Variants in PEX13 observed in about 807,000 individuals in gnomAD.
PEX13 encodes peroxisomal biogenesis factor 13, also known as peroxisome biogenesis factor 13.
Under a neutral mutation model 34.5 loss-of-function variants are expected in PEX13, and 28 were observed. The ratio of observed to expected loss-of-function variants is 0.81; its 90% CI spans 0.60 to 1.11. The LOEUF (loss-of-function observed/expected upper bound fraction) is 1.11. PEX13 is among the 50% of genes most tolerant of loss of function. The pLI, the probability that PEX13 is intolerant of heterozygous loss-of-function variation, is 0.00. For synonymous variants in PEX13, 177 were observed against 175.1 expected, an observed-to-expected ratio of 1.01 and a Z score of -0.09; for missense variants, 550 against 491.0, an observed-to-expected ratio of 1.12 and a Z score of -1.13.
chr2:61,023,727 G>A (rs1222821441), intron 1 of PEX13, among the ~76,000 whole-genome samples: 2 of 138,416 alleles, frequency 1.4e-5, no homozygotes, highest in Non-Finnish European at 3.1e-5. Flanking sequence ...AGTTTTTCCT[G>A]ACTTCTTTTT....
Position 61,031,991 on chromosome 2 carries a change from G to A in PEX13, c.665G>A (p.Gly222Asp). ...AESEGTVACL[G>D]AEDRAATSAK... ...AGTGAAGGAACTGTGGCATGCCTTG[G>A]TGCTGAGGACCGAGCAGCTACCTCA... is the stretch of plus-strand genomic sequence containing the variant. Residue 222 changes from glycine (G) to aspartate (D), a missense_variant, in exon 2 of 4, where the codon GGT (glycine) becomes GAT (aspartate). Gly to Asp is a moderately conservative substitution (Grantham distance 94). Coordinates refer to ENST00000295030, the MANE Select transcript of PEX13 (RefSeq NM_002618.4). 3 of 1,613,860 alleles carry A rather than the reference G, an allele frequency of 1.9e-6. No homozygotes were observed. Among genetic ancestry groups the A allele is most frequent in the Non-Finnish European group, 1.7e-6 (2 of 1,179,792 alleles).
chr2:61,030,661 T>C (rs982045069), intron 1 of PEX13, among the ~76,000 whole-genome samples: 2 of 152,222 alleles, frequency 1.3e-5, no homozygotes, highest in African/African-American at 4.8e-5. Flanking sequence ...AAAGTGACTT[T>C]AAACAGAAAC....
intron 1 of PEX13, among the ~76,000 whole-genome samples, chr2:61,030,864 G>C (rs750938763): frequency 1.3e-5 from 2 of 152,126 alleles, no homozygotes; most frequent in African/African-American, 4.8e-5. Flanking sequence ...TGGGTGGAGG[G>C]GTGGGCAGGA....
At chr2:61,020,089 G>A (rs928157508) in intron 1 of PEX13, among the ~76,000 whole-genome samples, 1 of 152,106 alleles carries the variant, frequency 6.6e-6, no homozygotes, top group South Asian at 2.1e-4. Flanking sequence ...AGCTGGGTGC[G>A]GTGGCGGGCA....
chr2:61,027,477 A>C (rs778310226), intron 1 of PEX13, among the ~76,000 whole-genome samples: 12 of 152,170 alleles, frequency 7.9e-5, no homozygotes, highest in Non-Finnish European at 1.6e-4. Context: ...TTAGTTCTGT[A>C]ACTTTCTCAA....
In PEX13 at chr2:61,048,502, T is replaced by C; in HGVS notation, c.944T>C (p.Leu315Pro). 1 of 1,614,166 alleles carries C rather than the reference T, an allele frequency of 6.2e-7. No homozygotes were observed. Among genetic ancestry groups the C allele is most frequent in the Non-Finnish European group, 8.5e-7 (1 of 1,180,006 alleles). ...EQQPKVRGWL[L>P]ASLDGQTTGL... is the part of the protein sequence containing the mutation. ...CAACCCAAAGTGCGTGGTTGGCTTC[T>C]GGCTAGCCTTGATGGCCAAACAACA... The change falls in exon 4 of 4, where the codon CTG becomes CCG. Residue 315 changes from leucine (L) to proline (P), a missense_variant. By Grantham distance (98) the Leu-to-Pro change is moderately conservative. Transcript: ENST00000295030.
intron 2 of PEX13, among the ~76,000 whole-genome samples, chr2:61,044,567 G>A (rs2104811911): frequency 6.6e-6 from 1 of 152,216 alleles, no homozygotes; most frequent in Admixed American, 6.5e-5. Flanking sequence ...TGTATTTTTA[G>A]TAGTAATGGA....
intron 1 of PEX13, among the ~76,000 whole-genome samples, chr2:61,023,977 TG>T (rs1680310217): frequency 6.6e-6 from 1 of 151,934 alleles, no homozygotes; most frequent in Non-Finnish European, 1.5e-5. Flanking sequence ...TTGTATTTTT[TG>T]TAGAGATGGG....
chr2:61,029,591 A>C (rs757914900), intron 1 of PEX13, among the ~76,000 whole-genome samples: 16 of 152,242 alleles, frequency 1.1e-4, no homozygotes, highest in Admixed American at 2.0e-4. Context: ...TAATTTGGCA[A>C]TAAAAATTAA....
intron 2 of PEX13, among the ~76,000 whole-genome samples, chr2:61,043,758 C>A (rs748434816): frequency 6.6e-6 from 1 of 152,160 alleles, no homozygotes. Flanking sequence ...GAATTTTTGT[C>A]AGATACAGAA....
Position 61,023,847 on chromosome 2 carries a change from G to T in PEX13, c.92+5996G>T, listed in dbSNP as rs146766301. 7.9e-4 allele frequency among the ~76,000 whole-genome samples: 119 copies of T among 151,452 alleles called. 2 individuals are homozygous for T. The East Asian group carries it at 0.02, about 26-fold the overall frequency. ...AGTTTCACTCTGTCACCAGGCTGGA[G>T]TGTGGTGACGCAATCACACCTCACT... On this transcript the variant is annotated intron_variant, in intron 1 of 3. Transcript: ENST00000295030.
intron 1 of PEX13, among the ~76,000 whole-genome samples, chr2:61,029,832 GAAAA>G (rs879899126): frequency 6.4e-5 from 9 of 141,132 alleles, no homozygotes; most frequent in East Asian, 6.1e-4. Context: ...AAAGTATTCA[GAAAA>G]AAAAAAACTG....
At chr2:61,018,408 C>G (rs1680156859) in intron 1 of PEX13, 49 of 1,293,208 alleles carry the variant, frequency 3.8e-5, no homozygotes, top group Non-Finnish European at 5.0e-5. Flanking sequence ...AGCAGGAGTT[C>G]TAGATCTGAG....
chr2:61,031,391 A>C, intron 1 of PEX13, 28 bp from the exon 2 acceptor site: 4 of 1,525,140 alleles, frequency 2.6e-6, no homozygotes, highest in Non-Finnish European at 3.6e-6. Context: ...ATGCTTAAAT[A>C]ACTGTTTTGA....
chr2:61,026,321 G>T (rs1473367987), intron 1 of PEX13, among the ~76,000 whole-genome samples: 1 of 151,094 alleles, frequency 6.6e-6, no homozygotes, highest in Admixed American at 6.6e-5. Flanking sequence ...GGTTCCAGTG[G>T]CTGTGGCCAC....
chr2:61,040,437 G>A (rs983530455), intron 2 of PEX13, among the ~76,000 whole-genome samples: 1 of 152,024 alleles, frequency 6.6e-6, no homozygotes, highest in African/African-American at 2.4e-5. Flanking sequence ...TCCTTTGCAG[G>A]GACGTGGATG....
At chr2:61,041,144 C>T (rs1048748939) in intron 2 of PEX13, among the ~76,000 whole-genome samples, 1 of 152,070 alleles carries the variant, frequency 6.6e-6, no homozygotes, top group East Asian at 1.9e-4. Context: ...GCCTGTGCGG[C>T]ATAGGGAAAA....
Position 61,045,785 on chromosome 2 carries a change from T to C in PEX13, c.847T>C (p.Phe283Leu). Residue 283 changes from phenylalanine to leucine, a missense_variant, in exon 3 of 4, where the codon TTT becomes CTT. Transcript: ENST00000295030. ...TGTAGTTGCCAGAGCAGAATATGAT[T>C]TTGCTGCCGTATCTGAAGAAGAAAT... ...DHVVARAEYD[F>L]AAVSEEEISF... is the part of the protein sequence containing the mutation. 1 of 1,613,024 alleles carries C rather than the reference T, an allele frequency of 6.2e-7. No individual in the cohort carries two copies. The highest frequency in any genetic ancestry group is 8.5e-7 in the Non-Finnish European group (1 of 1,178,998).
intron 2 of PEX13, among the ~76,000 whole-genome samples, chr2:61,042,510 A>C (rs1458101458): frequency 6.6e-6 from 1 of 152,194 alleles, no homozygotes; most frequent in Non-Finnish European, 1.5e-5. Flanking sequence ...TAGTAAAAAA[A>C]ACTGTATTTA....
Sources: gnomAD v4.1 joint callset for allele counts (sites outside exome capture counted in the v4.1 genomes callset) on GRCh38, gnomAD v4.1.1 for gene constraint, MANE v1.5 for transcripts, NCBI Gene and HGNC (gene_info 2026-07-23, HGNC 2026-07-21) for gene names.